PTPRD: variants seen among roughly 807,000 people sequenced by gnomAD.
PTPRD encodes the protein receptor-type tyrosine-protein phosphatase delta.
A neutral mutation model predicts 214.5 loss-of-function variants in PTPRD; 34 were observed. That is an observed-to-expected ratio of 0.16 (90% CI 0.12 to 0.21). The LOEUF is 0.21. PTPRD is among the 10% of genes least tolerant of loss of function. PTPRD has a pLI of 1.00. For synonymous variants in PTPRD, 1,128 were observed against 845.7 expected (o/e 1.33, Z -5.79); for missense variants, 2,545 against 2,398.7 (o/e 1.06, Z -1.27).
At chr9:9,194,645 T>C (rs2099937204) in intron 9 of PTPRD, among the ~76,000 whole-genome samples, 1 of 152,152 alleles carries the variant, frequency 6.6e-6, no homozygotes, top group Non-Finnish European at 1.5e-5. Flanking sequence ...AAGAGGAATG[T>C]GCAAAGGCAA....
At chr9:9,212,524 G>T (rs144806687) in intron 9 of PTPRD, among the ~76,000 whole-genome samples, 1 of 152,108 alleles carries the variant, frequency 6.6e-6, no homozygotes, top group Admixed American at 6.6e-5. Context: ...CCATTGAGCA[G>T]CCAAGAAAAT....
At chr9:9,275,188 ATATATATATAT>A (rs1362649582) in intron 9 of PTPRD, among the ~76,000 whole-genome samples, 295 of 14,706 alleles carry the variant, frequency 0.02, 7 homozygotes, top group Non-Finnish European at 0.022. Flanking sequence ...TATATGTTAT[ATATATATATAT>A]TATATATATA....
chr9:9,380,089 T>C (rs1161527007), intron 9 of PTPRD, among the ~76,000 whole-genome samples: 1 of 152,062 alleles, frequency 6.6e-6, no homozygotes, highest in Non-Finnish European at 1.5e-5. Flanking sequence ...CCTTTCTTAG[T>C]TGAAAACCTT....
chr9:10,537,492 T>A (rs1175261004), intron 2 of PTPRD, among the ~76,000 whole-genome samples: 1 of 152,162 alleles, frequency 6.6e-6, no homozygotes, highest in Non-Finnish European at 1.5e-5. Flanking sequence ...GGCATTAACA[T>A]AAACTAAAAA....
intron 3 of PTPRD, among the ~76,000 whole-genome samples, chr9:10,145,572 T>C (rs918713318): frequency 2.0e-5 from 3 of 152,182 alleles, no homozygotes; most frequent in Non-Finnish European, 2.9e-5. Context: ...GTTAATCAAC[T>C]GTTTATGTTA....
At chr9:8,974,826 G>C (rs2099259075) in intron 11 of PTPRD, among the ~76,000 whole-genome samples, 2 of 152,016 alleles carry the variant, frequency 1.3e-5, no homozygotes, top group South Asian at 2.1e-4. Context: ...GCCAGGTGTG[G>C]TGGCTCACAC....
chr9:10,597,821 G>C (rs753667667), intron 2 of PTPRD, among the ~76,000 whole-genome samples: 3 of 151,820 alleles, frequency 2.0e-5, no homozygotes, highest in Non-Finnish European at 4.4e-5. Context: ...AAACTTTCTA[G>C]TGAATAATTC....
chr9:8,829,357 TA>T (rs1052755518), intron 11 of PTPRD, among the ~76,000 whole-genome samples: 6 of 152,188 alleles, frequency 3.9e-5, no homozygotes, highest in African/African-American at 1.4e-4. Context: ...TAGTTTTACC[TA>T]AAAAATCACA....
intron 11 of PTPRD, among the ~76,000 whole-genome samples, chr9:8,787,809 C>T (rs1317525954): frequency 6.6e-6 from 1 of 152,108 alleles, no homozygotes; most frequent in African/African-American, 2.4e-5. Context: ...CCCAGCAACA[C>T]AACTCATGCT....
chr9:10,394,056 TTATATATA>T (rs66596655), intron 2 of PTPRD, among the ~76,000 whole-genome samples: 1 of 140,070 alleles, frequency 7.1e-6, no homozygotes, highest in African/African-American at 2.6e-5. Context: ...TATATACATA[TTATATATA>T]TATATATATA....
At chr9:9,896,696 T>C (rs2075072680) in intron 5 of PTPRD, among the ~76,000 whole-genome samples, 1 of 152,034 alleles carries the variant, frequency 6.6e-6, no homozygotes, top group South Asian at 2.1e-4. Context: ...TACAAAAGAA[T>C]ACTTTAAAGA....
At chr9:9,924,794 T>C (rs2083692339) in intron 5 of PTPRD, among the ~76,000 whole-genome samples, 2 of 152,106 alleles carry the variant, frequency 1.3e-5, no homozygotes, top group South Asian at 4.1e-4. Flanking sequence ...GCTAAAGTTT[T>C]GTGGGATTCA....
chr9:9,155,683 G>C (rs535995860), intron 10 of PTPRD, among the ~76,000 whole-genome samples: 1 of 152,140 alleles, frequency 6.6e-6, no homozygotes, highest in Non-Finnish European at 1.5e-5. Flanking sequence ...TAAAGGTGCT[G>C]CCTGGGCCAA....
chr9:9,099,042 T>C (rs1437182684), intron 10 of PTPRD, among the ~76,000 whole-genome samples: 1 of 152,170 alleles, frequency 6.6e-6, no homozygotes, highest in Non-Finnish European at 1.5e-5. Flanking sequence ...CAATATTGAT[T>C]GGAAAAAGCA....
intron 4 of PTPRD, among the ~76,000 whole-genome samples, chr9:9,946,880 T>C (rs1445287909): frequency 1.3e-5 from 2 of 152,118 alleles, no homozygotes; most frequent in East Asian, 1.9e-4. Flanking sequence ...TGCAATATTA[T>C]GTGAAGCAGA....
At chr9:10,041,763 AT>A (rs1297803348) in intron 3 of PTPRD, among the ~76,000 whole-genome samples, 18 of 152,062 alleles carry the variant, frequency 1.2e-4, no homozygotes, top group African/African-American at 4.3e-4. Flanking sequence ...ACAAAATTGC[AT>A]TGCTTTGGAC....
rs192348735 is a variant in PTPRD, at chr9:9,348,979, T to C, written c.-203+48470A>G. Among the ~76,000 whole-genome samples, 371 of 152,272 alleles carry C rather than the reference T, an allele frequency of 2.4e-3. 1 individual carries two copies. Among genetic ancestry groups the C allele is most frequent in the African/African-American group, 8.6e-3 (356 of 41,572 alleles). ...TAATAGGAAGTAGTGTCTGAGGTTATTGGTATCTATGTATATACATCTATT... is the reference window on the plus strand; with the variant it reads ...TAATAGGAAGTAGTGTCTGAGGTTACTGGTATCTATGTATATACATCTATT... On this transcript the variant is annotated intron_variant, in intron 9 of 45. Transcript: ENST00000381196.
chr9:9,523,001 A>G (rs2097025895), intron 8 of PTPRD, among the ~76,000 whole-genome samples: 1 of 152,176 alleles, frequency 6.6e-6, no homozygotes, highest in South Asian at 2.1e-4. Flanking sequence ...ATATAGCAGA[A>G]AACAACACTA....
intron 5 of PTPRD, among the ~76,000 whole-genome samples, chr9:9,886,627 A>G (rs754158299): frequency 6.6e-6 from 1 of 152,196 alleles, no homozygotes; most frequent in Non-Finnish European, 1.5e-5. Context: ...AGAGGTGTCT[A>G]TAATCTCTGC....
Sources: gnomAD v4.1 joint callset for allele counts (sites outside exome capture counted in the v4.1 genomes callset) on GRCh38, gnomAD v4.1.1 for gene constraint, MANE v1.5 for transcripts, NCBI Gene and HGNC (gene_info 2026-07-23, HGNC 2026-07-21) for gene names.